The following ABL1 variants were observed in gnomAD, a reference collection of about 807,000 sequenced individuals.
ABL1 encodes the protein ABL proto-oncogene 1, non-receptor tyrosine kinase, also known as tyrosine-protein kinase ABL1.
In ABL1, 11 loss-of-function variants were observed where a neutral mutation model predicts 94.7. That is an observed-to-expected ratio of 0.12 (90% CI 0.07 to 0.19). The LOEUF is 0.19. Among genes scored for constraint, ABL1 ranks in the 10% least tolerant of loss-of-function variants. The pLI is 1.00. For synonymous variants in ABL1, 656 were observed against 622.4 expected, an observed-to-expected ratio of 1.05 and a Z score of -0.80; for missense variants, 1,082 against 1,489.4, an observed-to-expected ratio of 0.73 and a Z score of 4.50.
chr9:130,741,446 C>T (rs560339855), intron 1 of ABL1, among the ~76,000 whole-genome samples: 112 of 151,112 alleles, frequency 7.4e-4, no homozygotes, highest in African/African-American at 2.5e-3. Flanking sequence ...CACTGATGCA[C>T]CAGTTACCAT....
chr9:130,842,378 C>T (rs1461503477), intron 1 of ABL1, among the ~76,000 whole-genome samples: 1 of 152,194 alleles, frequency 6.6e-6, no homozygotes, highest in Non-Finnish European at 1.5e-5. Flanking sequence ...GTTGCATAAA[C>T]TTTAACCTCA....
At chr9:130,721,537 C>T (rs1831513724) in intron 1 of ABL1, among the ~76,000 whole-genome samples, 1 of 152,078 alleles carries the variant, frequency 6.6e-6, no homozygotes, top group Non-Finnish European at 1.5e-5. Context: ...GGCGAAACCC[C>T]ATCTCTACTA....
At chr9:130,773,360 G>A (rs1176699261) in intron 1 of ABL1, among the ~76,000 whole-genome samples, 1 of 152,056 alleles carries the variant, frequency 6.6e-6, no homozygotes, top group Non-Finnish European at 1.5e-5. Flanking sequence ...AAAAATAAAA[G>A]ATGAGCTGAA....
At chr9:130,848,364 A>C (rs940859798) in intron 1 of ABL1, among the ~76,000 whole-genome samples, 1 of 150,662 alleles carries the variant, frequency 6.6e-6, no homozygotes, top group African/African-American at 2.4e-5. Context: ...AAAAAAAAAA[A>C]AAACTTAGCC....
chr9:130,800,324 A>G (rs1830038241), intron 1 of ABL1, among the ~76,000 whole-genome samples: 1 of 152,142 alleles, frequency 6.6e-6, no homozygotes, highest in African/African-American at 2.4e-5. Flanking sequence ...TGTGTCAATC[A>G]TGTAACCTCA....
chr9:130,716,005 A>G (rs141638348), intron 1 of ABL1, among the ~76,000 whole-genome samples: 250 of 149,566 alleles, frequency 1.7e-3, no homozygotes, highest in Admixed American at 2.6e-3. Flanking sequence ...ACTCACAGTT[A>G]AACAAACTAA....
At chr9:130,815,714 C>T (rs1317687579) in intron 1 of ABL1, among the ~76,000 whole-genome samples, 1 of 152,026 alleles carries the variant, frequency 6.6e-6, no homozygotes, top group Non-Finnish European at 1.5e-5. Context: ...CAGTACCTTC[C>T]CAGCTCCTTC....
chr9:130,745,363 C>A (rs537527268), intron 1 of ABL1, among the ~76,000 whole-genome samples: 1 of 151,682 alleles, frequency 6.6e-6, no homozygotes, highest in Non-Finnish European at 1.5e-5. Context: ...GGATTACAGG[C>A]GTGAGTCACT....
At chr9:130,713,688 G>A (rs532058048) in exon 1 of ABL1, among the ~76,000 whole-genome samples, 2 of 152,200 alleles carry the variant, frequency 1.3e-5, no homozygotes, top group East Asian at 1.9e-4. Context: ...GGAAAAGTCT[G>A]GATTGGTTCC....
At chr9:130,805,445 T>C (rs183485609) in intron 1 of ABL1, among the ~76,000 whole-genome samples, 17 of 152,256 alleles carry the variant, frequency 1.1e-4, no homozygotes, top group Admixed American at 9.8e-4. Context: ...GCCTAGAAAG[T>C]TTTTCTTTTT....
chr9:130,857,262 T>A (rs1359575059), intron 3 of ABL1, among the ~76,000 whole-genome samples: 1 of 152,220 alleles, frequency 6.6e-6, no homozygotes, highest in Admixed American at 6.5e-5. Context: ...CAGGTCACCC[T>A]CTATAGAAAT....
rs1358531180 is a variant in ABL1 at position 130,854,074 on chromosome 9, G to T, written c.90G>T (p.Gln30His). 6.2e-7 allele frequency: 1 copy of T among 1,609,486 alleles called. No individual in the cohort carries two copies. Among genetic ancestry groups the T allele is most frequent in the Non-Finnish European group, 8.5e-7 (1 of 1,178,020 alleles). ...CCCTTTCTCTTCCAGAAGCCCTTCA[G>T]CGGCCAGTAGCATCTGACTTTGAGC... ...SSSCYLEEAL[Q>H]RPVASDFEPQ... The change falls in exon 2 of 11, where the codon CAG becomes CAT. Residue 30 changes from glutamine (Q) to histidine (H), a missense_variant. Coordinates refer to ENST00000318560, the MANE Select transcript of ABL1 (RefSeq NM_005157.6).
intron 1 of ABL1, among the ~76,000 whole-genome samples, chr9:130,784,653 T>G (rs1479608504): frequency 6.6e-6 from 1 of 152,190 alleles, no homozygotes; most frequent in African/African-American, 2.4e-5. Context: ...TCCCTGGGCC[T>G]TTCGCAGGTA....
At chr9:130,757,536 C>CTTTTTTTTT (rs11411714) in intron 1 of ABL1, among the ~76,000 whole-genome samples, 1 of 101,886 alleles carries the variant, frequency 9.8e-6, no homozygotes, top group Non-Finnish European at 1.8e-5. Context: ...TACTCCAGGC[C>CTTTTTTTTT]TTTTTTTTTT....
rs758561469 is a variant in ABL1 at position 130,863,041 on chromosome 9, C to G, written c.822+6C>G. On this transcript the variant is annotated splice_donor_region_variant and intron_variant, in intron 4 of 10. Transcript: ENST00000318560. This position sits in a 1 kb window ranked among gnomAD's most constrained non-coding sequence, Gnocchi z 4.3. ...TGGCCGTGAAGACCTTGAAGGTAGG[C>G]TGGGACTGCCGGGGGTGCCCAGGGT... 1 of 1,589,048 alleles carries G rather than the reference C, an allele frequency of 6.3e-7. No homozygotes were observed. The highest frequency in any genetic ancestry group is 1.7e-5 in the Admixed American group (1 of 59,066).
intron 1 of ABL1, among the ~76,000 whole-genome samples, chr9:130,757,482 G>C (rs1284501227): frequency 1.3e-5 from 2 of 151,820 alleles, no homozygotes; most frequent in Non-Finnish European, 2.9e-5. Flanking sequence ...GGACCGCTTG[G>C]GCCTGGGAAG....
At chr9:130,881,927 T>TA (rs1001334412) in intron 10 of ABL1, among the ~76,000 whole-genome samples, 2 of 151,660 alleles carry the variant, frequency 1.3e-5, no homozygotes, top group African/African-American at 4.9e-5. Context: ...ATATGGTATA[T>TA]AAAGTACGTA....
chr9:130,786,222 T>C (rs950500962), intron 1 of ABL1, among the ~76,000 whole-genome samples: 1 of 152,118 alleles, frequency 6.6e-6, no homozygotes, highest in Non-Finnish European at 1.5e-5. Context: ...TGGATAATTC[T>C]GGGGGGCCCT....
At chr9:130,763,924 G>A (rs946075246) in intron 1 of ABL1, among the ~76,000 whole-genome samples, 4 of 152,120 alleles carry the variant, frequency 2.6e-5, no homozygotes, top group South Asian at 2.1e-4. Flanking sequence ...ATAATGGCAC[G>A]TGTACCGCTA....
Sources: gnomAD v4.1 joint callset for allele counts (sites outside exome capture counted in the v4.1 genomes callset) on GRCh38, gnomAD v4.1.1 for gene constraint, Gnocchi (gnomAD v3.1) non-coding constraint, MANE v1.5 for transcripts, NCBI Gene and HGNC (gene_info 2026-07-23, HGNC 2026-07-21) for gene names.